Variants in ITGBL1 observed in about 807,000 individuals in gnomAD.
The protein encoded by ITGBL1 is integrin subunit beta like 1, also known as integrin beta-like protein 1.
In ITGBL1, 51 loss-of-function variants were observed where a neutral mutation model predicts 68.5. That is an observed-to-expected ratio of 0.74 (90% CI 0.59 to 0.94). The LOEUF (loss-of-function observed/expected upper bound fraction) is 0.94. ITGBL1 is among the 40% of genes least tolerant of loss of function. The pLI is 0.00. For synonymous variants in ITGBL1, 209 were observed against 227.3 expected (o/e 0.92, Z 0.72); for missense variants, 649 against 647.4 (o/e 1.00, Z -0.03).
chr13:101,522,030 A>G (rs748390917), intron 2 of ITGBL1, among the ~76,000 whole-genome samples: 11 of 152,030 alleles, frequency 7.2e-5, no homozygotes, highest in Non-Finnish European at 1.3e-4. Context: ...AGAGGGAGGA[A>G]GAGGGAGAGA....
chr13:101,675,714 T>C (rs2033485280), intron 7 of ITGBL1, among the ~76,000 whole-genome samples: 1 of 152,192 alleles, frequency 6.6e-6, no homozygotes, highest in Admixed American at 6.5e-5. Flanking sequence ...CATCCAATAA[T>C]AGCCGTGTAA....
At chr13:101,461,731 G>GCCCC (rs1355550762) in intron 2 of ITGBL1, among the ~76,000 whole-genome samples, 1 of 152,116 alleles carries the variant, frequency 6.6e-6, no homozygotes, top group African/African-American at 2.4e-5. Flanking sequence ...GGAGCAGAGA[G>GCCCC]CCCCGTTATC....
chr13:101,461,609 C>G (rs1343152181), intron 2 of ITGBL1, among the ~76,000 whole-genome samples: 2 of 152,056 alleles, frequency 1.3e-5, no homozygotes, highest in Admixed American at 6.6e-5. Flanking sequence ...ACAGGAGGCT[C>G]ATTTGAGCAT....
chr13:101,605,683 C>T (rs1019929859), intron 7 of ITGBL1, among the ~76,000 whole-genome samples: 2 of 150,956 alleles, frequency 1.3e-5, no homozygotes, highest in African/African-American at 2.4e-5. Context: ...TGTGTTTATG[C>T]GTATACACGT....
chr13:101,472,301 G>T (rs1350549888), intron 2 of ITGBL1, among the ~76,000 whole-genome samples: 1 of 152,152 alleles, frequency 6.6e-6, no homozygotes, highest in Non-Finnish European at 1.5e-5. Context: ...ATAAAGCACA[G>T]CAAAGATAAC....
intron 7 of ITGBL1, among the ~76,000 whole-genome samples, chr13:101,657,644 G>T (rs144713287): frequency 6.6e-6 from 1 of 152,176 alleles, no homozygotes; most frequent in African/African-American, 2.4e-5. Context: ...TTTTCTACTT[G>T]TTGAAACTGG....
At chr13:101,535,254 GC>G (rs2049552426) in intron 2 of ITGBL1, among the ~76,000 whole-genome samples, 1 of 151,910 alleles carries the variant, frequency 6.6e-6, no homozygotes, top group Admixed American at 6.6e-5. Flanking sequence ...AAAAAAAAGA[GC>G]AAACTTTCAC....
chr13:101,598,428 TTTTTA>T (rs1594916474), intron 7 of ITGBL1, 129 bp downstream of exon 7: 1 of 713,928 alleles, frequency 1.4e-6, no homozygotes, highest in African/African-American at 1.8e-5. Context: ...GTTTTTTATT[TTTTTA>T]TTTTATTTTT....
intron 7 of ITGBL1, among the ~76,000 whole-genome samples, chr13:101,605,047 T>C (rs2030670139): frequency 8.3e-6 from 1 of 119,850 alleles, no homozygotes; most frequent in Non-Finnish European, 1.7e-5. Context: ...TATACGCATA[T>C]ATGTGTATAT....
intron 6 of ITGBL1, among the ~76,000 whole-genome samples, chr13:101,587,980 G>C (rs183972456): frequency 1.3e-5 from 2 of 152,280 alleles, no homozygotes; most frequent in Non-Finnish European, 2.9e-5. Flanking sequence ...AAAGAAAGAA[G>C]TATCCTCTAA....
At chr13:101,459,061 C>A (rs573551367) in intron 2 of ITGBL1, among the ~76,000 whole-genome samples, 1 of 152,222 alleles carries the variant, frequency 6.6e-6, no homozygotes, top group Non-Finnish European at 1.5e-5. Context: ...TGTGATGGAA[C>A]TGATGGAGTC....
At chr13:101,635,740 A>G (rs1013583484) in intron 7 of ITGBL1, among the ~76,000 whole-genome samples, 2 of 152,096 alleles carry the variant, frequency 1.3e-5, no homozygotes, top group African/African-American at 4.8e-5. Context: ...TATAGGAGGT[A>G]GTAATTATAT....
At position 101,714,556 on chromosome 13, in the gene ITGBL1, A is replaced by G. The variant is rs1274296872; in HGVS notation, c.1393+5A>G. The G allele has an allele frequency of 7.2e-6, 11 of 1,518,210 alleles. No individual in the cohort carries two copies. Among genetic ancestry groups the G allele is most frequent in the Middle Eastern group, 1.7e-4 (1 of 5,900 alleles). 94.0% of individuals were successfully genotyped at this position (1,518,210 alleles called of 1,614,324 possible). On this transcript the variant is annotated splice_donor_5th_base_variant and intron_variant, in intron 10 of 10. Transcript: ENST00000376180. ...ATGATGGTCTCATTTGTACAGGTGC[A>G]GTATTAACCTTTTCTAATTGCTCTA...
chr13:101,530,961 A>G (rs1031352811), intron 2 of ITGBL1, among the ~76,000 whole-genome samples: 7 of 152,138 alleles, frequency 4.6e-5, no homozygotes, highest in African/African-American at 1.7e-4. Context: ...GAAAAGTAAA[A>G]TCATGTTCGA....
chr13:101,477,744 G>C (rs1196472506), intron 2 of ITGBL1, among the ~76,000 whole-genome samples: 1 of 151,984 alleles, frequency 6.6e-6, no homozygotes, highest in Non-Finnish European at 1.5e-5. Flanking sequence ...TAAATTCCTA[G>C]ACACATACAA....
chr13:101,568,129 T>C (rs1055414309), intron 3 of ITGBL1, among the ~76,000 whole-genome samples: 5 of 152,198 alleles, frequency 3.3e-5, no homozygotes, highest in African/African-American at 4.8e-5. Context: ...TGATATTGAA[T>C]ACCGGATTAC....
At chr13:101,701,182 G>T (rs1327100198) in intron 8 of ITGBL1, among the ~76,000 whole-genome samples, 1 of 152,164 alleles carries the variant, frequency 6.6e-6, no homozygotes. Flanking sequence ...GTATTTTGAT[G>T]ATTGGCTGAG....
intron 2 of ITGBL1, among the ~76,000 whole-genome samples, chr13:101,491,967 CT>C (rs1240228876): frequency 2.0e-5 from 3 of 152,034 alleles, no homozygotes; most frequent in Admixed American, 1.3e-4. Flanking sequence ...TGAACTCATC[CT>C]TTTTTATGGC....
At chr13:101,599,103 T>G (rs2030186062) in intron 7 of ITGBL1, among the ~76,000 whole-genome samples, 1 of 152,096 alleles carries the variant, frequency 6.6e-6, no homozygotes, top group African/African-American at 2.4e-5. Flanking sequence ...ACCTGTTGTT[T>G]CCTGACTTTT....
Sources: gnomAD v4.1 joint callset for allele counts (sites outside exome capture counted in the v4.1 genomes callset) on GRCh38, gnomAD v4.1.1 for gene constraint, MANE v1.5 for transcripts, NCBI Gene and HGNC (gene_info 2026-07-23, HGNC 2026-07-21) for gene names.